The following IRAK2 variants were observed in gnomAD, a reference collection of about 807,000 sequenced individuals.
IRAK2 encodes the protein interleukin-1 receptor-associated kinase-like 2.
In IRAK2, 57 loss-of-function variants were observed where a neutral mutation model predicts 72.0. The observed-to-expected ratio is 0.79, with a 90% CI of 0.64 to 0.99. The LOEUF is 0.99. Among genes scored for constraint, IRAK2 ranks in the 50% least tolerant of loss-of-function variants. The pLI, the probability that IRAK2 is intolerant of heterozygous loss-of-function variation, is 0.00. For synonymous variants in IRAK2, 293 were observed against 312.7 expected, an observed-to-expected ratio of 0.94 and a Z score of 0.67; for missense variants, 790 against 794.4, an observed-to-expected ratio of 0.99 and a Z score of 0.07.
chr3:10,178,091 C>G, intron 2 of IRAK2, 71 bp downstream of exon 2: 1 of 1,218,660 alleles, frequency 8.2e-7, no homozygotes, highest in South Asian at 1.4e-5. Flanking sequence ...GTGTGAGTTG[C>G]ACTCTCTGGC....
chr3:10,165,432 GGTGT>G (rs777397782), intron 1 of IRAK2, among the ~76,000 whole-genome samples: 3 of 145,616 alleles, frequency 2.1e-5, no homozygotes, highest in East Asian at 2.0e-4. Context: ...TTCTTGGGGG[GGTGT>G]GTGTGTGTGT....
At chr3:10,235,120 G>A (rs111500213) in intron 11 of IRAK2, among the ~76,000 whole-genome samples, 2,209 of 152,194 alleles carry the variant, frequency 0.015, 50 homozygotes, top group African/African-American at 0.05. Flanking sequence ...CATGCAAACC[G>A]GGCTGCCCAG....
chr3:10,199,539 T>A (rs696319), intron 2 of IRAK2, among the ~76,000 whole-genome samples: 11 of 152,042 alleles, frequency 7.2e-5, no homozygotes, highest in African/African-American at 2.7e-4. Context: ...AAGGATGCGT[T>A]TGTCTCCACT....
At position 10,243,496 on chromosome 3, in the gene IRAK2, G is replaced by C. The variant is rs1698092881; in HGVS notation, c.*1268G>C. 1 of 152,578 alleles carries C rather than the reference G, an allele frequency of 6.6e-6. No individual in the cohort carries two copies. The highest frequency in any genetic ancestry group is 1.5e-5 in the Non-Finnish European group (1 of 68,044). The allele number at this position is 152,578 out of a possible 1,614,324, so 9.5% of individuals were successfully genotyped here. On this transcript the variant is annotated 3_prime_UTR_variant, in exon 13 of 13. Transcript: ENST00000256458. Reference sequence around the variant, plus strand: ...TTCTTCATCCCTGGGCTGTTGGGAGGAACAGATGAGACAGTGGCTATAGAA... The same window carrying C: ...TTCTTCATCCCTGGGCTGTTGGGAGCAACAGATGAGACAGTGGCTATAGAA...
intron 10 of IRAK2, among the ~76,000 whole-genome samples, chr3:10,228,006 C>A (rs9917753): frequency 6.6e-6 from 1 of 151,880 alleles, no homozygotes; most frequent in Non-Finnish European, 1.5e-5. Flanking sequence ...TCCAACCATA[C>A]GAATTCAGTA....
chr3:10,211,301 C>T (rs1697517373), intron 4 of IRAK2, among the ~76,000 whole-genome samples: 1 of 152,036 alleles, frequency 6.6e-6, no homozygotes, highest in African/African-American at 2.4e-5. Flanking sequence ...GCCACCACGC[C>T]TGGCTAATTT....
intron 4 of IRAK2, 139 bp downstream of exon 4, chr3:10,209,831 G>A (rs1024501009): frequency 2.1e-6 from 1 of 472,452 alleles, no homozygotes; most frequent in Non-Finnish European, 3.7e-6. Flanking sequence ...ATTACCCCAA[G>A]CTTCTAAGAC....
At chr3:10,166,409 G>A (rs1696689815) in intron 1 of IRAK2, among the ~76,000 whole-genome samples, 1 of 152,186 alleles carries the variant, frequency 6.6e-6, no homozygotes, top group Non-Finnish European at 1.5e-5. Flanking sequence ...GGACTCTGCG[G>A]GGAGGCCGCT....
At chr3:10,187,996 A>G (rs898781180) in intron 2 of IRAK2, among the ~76,000 whole-genome samples, 1 of 152,198 alleles carries the variant, frequency 6.6e-6, no homozygotes, top group Non-Finnish European at 1.5e-5. Flanking sequence ...CCAGATGACC[A>G]GGCTTAGGAG....
chr3:10,165,104 C>T (rs1008007396), intron 1 of IRAK2, 56 bp downstream of exon 1: 23 of 1,475,670 alleles, frequency 1.6e-5, no homozygotes, highest in Non-Finnish European at 2.1e-5. Context: ...CCCAGCGATC[C>T]CGCCTGGAGC....
chr3:10,242,218 T>G lies in IRAK2; in HGVS notation c.1868T>G (p.Phe623Cys), dbSNP rs768853147. 3.7e-6 allele frequency: 6 copies of G among 1,605,002 alleles called. No individual in the cohort carries two copies. Among genetic ancestry groups the G allele is most frequent in the Non-Finnish European group, 5.1e-6 (6 of 1,172,320 alleles). ...KEEKVDSIEL[F>C]GP ...GAAAAAGTGGACAGCATTGAGCTCT[T>G]TGGCCCCTGATGACCGGAACACAGC... is the stretch of plus-strand genomic sequence containing the variant. Residue 623 changes from phenylalanine to cysteine, a missense_variant, in exon 13 of 13, where the codon TTT (phenylalanine) becomes TGT (cysteine). Phe to Cys is a radical substitution (Grantham distance 205, BLOSUM62 -2). Coordinates refer to ENST00000256458, the MANE Select transcript of IRAK2 (RefSeq NM_001570.4).
At chr3:10,233,129 A>AG (rs940642527) in intron 10 of IRAK2, among the ~76,000 whole-genome samples, 2 of 152,160 alleles carry the variant, frequency 1.3e-5, no homozygotes, top group Non-Finnish European at 1.5e-5. Context: ...GGCTCACTGA[A>AG]GCCTCTCCCT....
intron 2 of IRAK2, among the ~76,000 whole-genome samples, chr3:10,187,560 C>G (rs1697097098): frequency 6.6e-6 from 1 of 152,150 alleles, no homozygotes; most frequent in African/African-American, 2.4e-5. Context: ...AGCAAGATAC[C>G]CTGCTGCAAA....
At chr3:10,229,026 C>T (rs777627980) in intron 10 of IRAK2, among the ~76,000 whole-genome samples, 2 of 151,804 alleles carry the variant, frequency 1.3e-5, no homozygotes, top group African/African-American at 4.8e-5. Context: ...CTCCACCCCC[C>T]GGGTTCAAGA....
At chr3:10,240,611 G>C (rs1698042641) in intron 12 of IRAK2, among the ~76,000 whole-genome samples, 1 of 118,642 alleles carries the variant, frequency 8.4e-6, no homozygotes, top group African/African-American at 3.4e-5. Context: ...CCAGGCTGGA[G>C]TATAATGGTG....
intron 1 of IRAK2, among the ~76,000 whole-genome samples, chr3:10,174,697 G>A (rs1696846277): frequency 1.3e-5 from 2 of 151,876 alleles, no homozygotes; most frequent in Non-Finnish European, 2.9e-5. Context: ...GCTAATTTTT[G>A]TATTTTTAGT....
At position 10,234,881 on chromosome 3, in the gene IRAK2, T is replaced by C. The variant is rs374414364; in HGVS notation, c.1473+222T>C. On this transcript the variant is annotated intron_variant, in intron 11 of 12. Coordinates refer to ENST00000256458, the MANE Select transcript of IRAK2 (RefSeq NM_001570.4). ...GCCTCAGGGCGCAGGACCAAACCCG[T>C]GGATGTTAACTGAACTCGATGAACT... Among the ~76,000 whole-genome samples, 14 of 152,196 alleles carry C rather than the reference T, an allele frequency of 9.2e-5. 1 individual carries two copies. The highest frequency in any genetic ancestry group is 2.7e-4 in the African/African-American group (11 of 41,438).
intron 4 of IRAK2, among the ~76,000 whole-genome samples, chr3:10,210,631 A>T (rs569780318): frequency 2.7e-5 from 4 of 150,932 alleles, no homozygotes; most frequent in Non-Finnish European, 5.9e-5. Flanking sequence ...ACATGCCTGT[A>T]GTCCTGGCTA....
Position 10,213,480 on chromosome 3 carries a change from A to G in IRAK2, c.724-4A>G, listed in dbSNP as rs747313332. The G allele has an allele frequency of 1.9e-6, 3 of 1,614,076 alleles. No individual in the cohort carries two copies. The highest frequency in any genetic ancestry group is 2.7e-5 in the African/African-American group (2 of 75,048). On this transcript the variant is annotated splice_polypyrimidine_tract_variant and splice_region_variant and intron_variant, in intron 5 of 12. Transcript: ENST00000256458. The stretch of plus-strand genomic sequence containing the variant: ...TCTTCATGTTCTGATGTCTTTCTCT[A>G]CAGACAGCCTGTTCAAGTCCAGGAT...
Sources: allele counts gnomAD v4.1 joint callset (sites outside exome capture counted in the v4.1 genomes callset), GRCh38; gene constraint gnomAD v4.1.1; transcripts MANE v1.5; gene names NCBI Gene and HGNC (gene_info 2026-07-23, HGNC 2026-07-21).